The following PRMT8 variants were observed in gnomAD, a reference collection of about 807,000 sequenced individuals.
PRMT8 encodes the protein protein arginine N-methyltransferase 8.
PRMT8 carries 7 observed loss-of-function variants against 47.1 expected under a neutral mutation model. That is an observed-to-expected ratio of 0.15 (90% CI 0.08 to 0.28). The LOEUF is 0.28. PRMT8 is among the 10% of genes least tolerant of loss of function. The pLI is 1.00. For missense variants in PRMT8, 237 were observed against 505.4 expected (o/e 0.47, Z 5.09); for synonymous variants, 188 against 186.5 (o/e 1.01, Z -0.07).
In PRMT8 at chr12:3,492,857, T is replaced by A. The variant is rs1865444696; in HGVS notation, c.75+1157T>A. Among the ~76,000 whole-genome samples, 1 of 151,788 alleles carries A rather than the reference T, an allele frequency of 6.6e-6. No homozygotes were observed. The highest frequency in any genetic ancestry group is 1.5e-5 in the Non-Finnish European group (1 of 67,946). Reference sequence around the variant, plus strand: ...CCCAGGCTCTATTAATAGCTGGGTGTCTGGTGGGGCTGCCGCACATTTCAC... The same window carrying A: ...CCCAGGCTCTATTAATAGCTGGGTGACTGGTGGGGCTGCCGCACATTTCAC... On this transcript the variant is annotated intron_variant, in intron 1 of 9. Transcript: ENST00000382622. This position sits in a 1 kb window ranked among gnomAD's most constrained non-coding sequence, Gnocchi z 7.5.
chr12:3,461,048 G>C (rs1865035302), intron 1 of PRMT8, among the ~76,000 whole-genome samples: 1 of 152,102 alleles, frequency 6.6e-6, no homozygotes, highest in Non-Finnish European at 1.5e-5. Flanking sequence ...TTTTGTGCTG[G>C]TGCAGGCAGT....
At chr12:3,443,180 G>A (rs1172436637) in intron 1 of PRMT8, among the ~76,000 whole-genome samples, 2 of 152,144 alleles carry the variant, frequency 1.3e-5, no homozygotes, top group African/African-American at 4.8e-5. Flanking sequence ...CTCACACTGT[G>A]GATGCTGCCG....
chr12:3,525,017 T>A (rs1865932416), intron 1 of PRMT8, among the ~76,000 whole-genome samples: 2 of 151,682 alleles, frequency 1.3e-5, no homozygotes, highest in Non-Finnish European at 2.9e-5. Context: ...GAGGTAGGAG[T>A]TCGACACCAG....
intron 1 of PRMT8, among the ~76,000 whole-genome samples, chr12:3,455,782 CAGGTGGACTT>C (rs1330249989): frequency 6.6e-6 from 1 of 152,120 alleles, no homozygotes; most frequent in Non-Finnish European, 1.5e-5. Flanking sequence ...GGAGGGAAGG[CAGGTGGACTT>C]TATTTCCATT....
chr12:3,523,733 G>A lies in PRMT8; in HGVS notation c.76-16873G>A, dbSNP rs184143893. Among the ~76,000 whole-genome samples the A allele has an allele frequency of 2.2e-3, 334 of 152,326 alleles. 1 individual carries two copies. The highest frequency in any genetic ancestry group is 3.6e-3 in the Non-Finnish European group (246 of 68,036). ...CCAATCCCAAAGGCAGGCATTGCAT[G>A]TTGGCTCTGTACTAAAACAGAAATG... On this transcript the variant is annotated intron_variant, in intron 1 of 9. Coordinates refer to ENST00000382622, the MANE Select transcript of PRMT8 (RefSeq NM_019854.5).
chr12:3,530,864 T>A (rs985830425), intron 1 of PRMT8, among the ~76,000 whole-genome samples: 1 of 152,200 alleles, frequency 6.6e-6, no homozygotes, highest in Non-Finnish European at 1.5e-5. Context: ...ACGCTCAGCG[T>A]CTTCCAGTCA....
At chr12:3,466,894 G>A (rs1012573423) in intron 1 of PRMT8, among the ~76,000 whole-genome samples, 5 of 152,162 alleles carry the variant, frequency 3.3e-5, no homozygotes, top group African/African-American at 7.2e-5. Context: ...TCATTCATGT[G>A]AAAATTCCCC....
chr12:3,565,382 T>G (rs1866702675), intron 4 of PRMT8, among the ~76,000 whole-genome samples: 2 of 152,150 alleles, frequency 1.3e-5, no homozygotes, highest in Admixed American at 1.3e-4. Flanking sequence ...TTGTGCAGGT[T>G]GAGCACAAAA....
chr12:3,390,479 G>A (rs748992518), intron 1 of PRMT8, among the ~76,000 whole-genome samples: 21 of 152,128 alleles, frequency 1.4e-4, no homozygotes, highest in Non-Finnish European at 3.1e-4. Flanking sequence ...CTTAACAACT[G>A]TGACAATTGA....
intron 1 of PRMT8, among the ~76,000 whole-genome samples, chr12:3,431,559 C>G (rs865871552): frequency 2.0e-5 from 3 of 151,956 alleles, no homozygotes; most frequent in Non-Finnish European, 1.5e-5. Flanking sequence ...GGGGAGGGAC[C>G]TGGAGAGGAT....
chr12:3,482,101 C>T (rs946948342), intron 1 of PRMT8, among the ~76,000 whole-genome samples: 4 of 152,144 alleles, frequency 2.6e-5, no homozygotes, highest in African/African-American at 9.7e-5. Flanking sequence ...TTGCTCAGAG[C>T]CCTCCAGTCA....
intron 1 of PRMT8, among the ~76,000 whole-genome samples, chr12:3,481,139 TC>T (rs1865270781): frequency 6.6e-6 from 1 of 152,052 alleles, no homozygotes; most frequent in Admixed American, 6.5e-5. Flanking sequence ...TGCTGGGAAA[TC>T]CCCTTCCCAG....
At position 3,397,952 on chromosome 12, in the gene PRMT8, C is replaced by T. The variant is rs1381316076; in HGVS notation, c.48+16510C>T. 3.9e-5 allele frequency among the ~76,000 whole-genome samples: 6 copies of T among 152,296 alleles called. No homozygotes were observed. The South Asian group carries it at 8.3e-4, about 21-fold the overall frequency. On this transcript the variant is annotated intron_variant, in intron 1 of 9. Coordinates refer to the PRMT8 transcript ENST00000452611. ...AAGCCCGTCGGAAAAGCGCAGTATT[C>T]GGGTGGGAGTGGCCTGATTTTCCAG...
chr12:3,543,027 G>T (rs938192880), intron 2 of PRMT8, among the ~76,000 whole-genome samples: 1 of 152,228 alleles, frequency 6.6e-6, no homozygotes, highest in African/African-American at 2.4e-5. Context: ...GAAAAGTCAA[G>T]CTTGTGCATA....
intron 1 of PRMT8, among the ~76,000 whole-genome samples, chr12:3,401,705 A>G (rs915454256): frequency 4.6e-5 from 7 of 152,174 alleles, no homozygotes; most frequent in African/African-American, 1.7e-4. Flanking sequence ...GAGCCAAATC[A>G]TGAATGAACT....
chr12:3,517,729 A>G (rs769914854), intron 1 of PRMT8, among the ~76,000 whole-genome samples: 2 of 152,128 alleles, frequency 1.3e-5, no homozygotes, highest in Non-Finnish European at 2.9e-5. Flanking sequence ...GAACAAGGGA[A>G]AGAGGGAACT....
intron 1 of PRMT8, among the ~76,000 whole-genome samples, chr12:3,523,466 A>G (rs1310518521): frequency 6.6e-6 from 1 of 152,154 alleles, no homozygotes; most frequent in Admixed American, 6.5e-5. Context: ...CCCACCCAGG[A>G]TTACTGTCAC....
intron 1 of PRMT8, among the ~76,000 whole-genome samples, chr12:3,507,209 C>T (rs1865642791): frequency 6.6e-6 from 1 of 151,404 alleles, no homozygotes; most frequent in Non-Finnish European, 1.5e-5. Flanking sequence ...GCAAGCTCCG[C>T]CTCCCGGGTT....
rs745476570 is a variant in PRMT8 at position 3,552,738 on chromosome 12, G to A, written c.418-913G>A. 31 of 479,328 alleles carry A rather than the reference G, an allele frequency of 6.5e-5. No individual in the cohort carries two copies. The Middle Eastern group carries it at 1.3e-3, about 20-fold the overall frequency. The allele number at this position is 479,328 out of a possible 1,614,324, so 29.7% of individuals were successfully genotyped here. On this transcript the variant is annotated intron_variant, in intron 3 of 9. Transcript: ENST00000382622. The surrounding 1 kb of genome is among the most constrained non-coding windows in gnomAD (Gnocchi z 4.5). ...CCTTCCTCAAGGCGTGGCCAGAGGC[G>A]TCAGAAACTCCCTCAGTGCCCCTTT...
Sources: allele counts gnomAD v4.1 joint callset (sites outside exome capture counted in the v4.1 genomes callset), GRCh38; gene constraint gnomAD v4.1.1; non-coding constraint Gnocchi (gnomAD v3.1); transcripts MANE v1.5; gene names NCBI Gene and HGNC (gene_info 2026-07-23, HGNC 2026-07-21).